Variants in CCNDBP1 observed in about 807,000 individuals in gnomAD.
The protein encoded by CCNDBP1 is cyclin D1 binding protein 1.
In CCNDBP1, 45 loss-of-function variants were observed where a neutral mutation model predicts 46.2. That is an observed-to-expected ratio of 0.97 (90% confidence interval 0.77 to 1.25). CCNDBP1 has a LOEUF of 1.25. Ranked by LOEUF, CCNDBP1 falls within the 50% of genes most tolerant of loss-of-function variation. CCNDBP1 has a pLI of 0.00. For missense variants in CCNDBP1, 436 were observed against 442.1 expected (o/e 0.99, Z 0.12); for synonymous variants, 154 against 163.6 (o/e 0.94, Z 0.45).
chr15:43,185,441 T>C lies in CCNDBP1; in HGVS notation c.-58T>C, dbSNP rs2142215949. On this transcript the variant is annotated 5_prime_UTR_variant, in exon 1 of 11. Coordinates refer to ENST00000300213, the MANE Select transcript of CCNDBP1 (RefSeq NM_012142.5). Reference sequence around the variant, plus strand: ...CCCGGAAGTGGAGCGGCTGTCGCAGTGCGGCTCCGGCAGTGGCAGCGGAGG... The same window carrying C: ...CCCGGAAGTGGAGCGGCTGTCGCAGCGCGGCTCCGGCAGTGGCAGCGGAGG... 7.4e-7 allele frequency: 1 copy of C among 1,343,386 alleles called. No individual in the cohort carries two copies. Among genetic ancestry groups the C allele is most frequent in the African/African-American group, 1.4e-5 (1 of 69,398 alleles). The allele number at this position is 1,343,386 out of a possible 1,614,324, so 83.2% of individuals were successfully genotyped here. A position where few individuals can be genotyped will look rare whatever the true frequency, so the allele number is the denominator to read the frequency against.
At chr15:43,186,519 A>G (rs2041843331) in intron 3 of CCNDBP1, among the ~76,000 whole-genome samples, 1 of 152,192 alleles carries the variant, frequency 6.6e-6, no homozygotes, top group Admixed American at 6.5e-5. Flanking sequence ...GTGTTTTCAC[A>G]TACTTGATGG....
chr15:43,189,077 C>CAAAAAAAAA (rs763476042), intron 3 of CCNDBP1, 122 bp from the exon 4 acceptor site: 9 of 152,162 alleles, frequency 5.9e-5, no homozygotes, highest in African/African-American at 4.7e-4. Flanking sequence ...GACTCTGTCT[C>CAAAAAAAAA]AAAAAAAAAA....
chr15:43,190,666 T>C (rs1321967198), intron 6 of CCNDBP1, among the ~76,000 whole-genome samples: 1 of 152,204 alleles, frequency 6.6e-6, no homozygotes, highest in Non-Finnish European at 1.5e-5. Flanking sequence ...AGTAGTATTA[T>C]GGAGCACACT....
chr15:43,186,041 TA>T, intron 2 of CCNDBP1, 112 bp from the exon 3 acceptor site: 1 of 1,210,444 alleles, frequency 8.3e-7, no homozygotes, highest in Non-Finnish European at 1.2e-6. Flanking sequence ...AATAGAATTC[TA>T]ACCTCGACAT....
At chr15:43,194,617 G>C (rs2042015157) in intron 10 of CCNDBP1, 110 bp from the exon 11 acceptor site, 2 of 1,017,792 alleles carry the variant, frequency 2.0e-6, no homozygotes, top group Non-Finnish European at 2.9e-6. Flanking sequence ...ATTCTGCAAA[G>C]AAGCTTCCCT....
intron 9 of CCNDBP1, chr15:43,193,467 C>T (rs2041992653): frequency 6.8e-6 from 1 of 147,666 alleles, no homozygotes; most frequent in South Asian, 2.3e-4. Context: ...TTAGATTGAA[C>T]TTCAGCTGTT....
intron 9 of CCNDBP1, among the ~76,000 whole-genome samples, chr15:43,193,778 C>A (rs982431026): frequency 2.0e-5 from 3 of 152,130 alleles, no homozygotes; most frequent in African/African-American, 4.8e-5. Context: ...AAATTAGATT[C>A]ATCAGATGTG....
At position 43,197,021 on chromosome 15, in the gene CCNDBP1, ACTTAC is replaced by A; in HGVS notation, c.*2182_*2186del. On this transcript the variant is annotated 3_prime_UTR_variant, in exon 11 of 11. Coordinates refer to ENST00000300213, the MANE Select transcript of CCNDBP1 (RefSeq NM_012142.5). ...TGTTAAAACGAGGCTGGCACCTGGCACTTACCCCTACCCCTCAACCCATTCTTGCC... is the reference window on the plus strand; with the variant it reads ...TGTTAAAACGAGGCTGGCACCTGGCACCCTACCCCTCAACCCATTCTTGCC... 1 of 433,708 alleles carries A rather than the reference ACTTAC, an allele frequency of 2.3e-6. No individual in the cohort carries two copies. The allele number at this position is 433,708 out of a possible 1,614,324, so 26.9% of individuals were successfully genotyped here.
At chr15:43,194,046 CTTTTTTTTTTT>C (rs748207621) in intron 9 of CCNDBP1, 26 of 50,298 alleles carry the variant, frequency 5.2e-4, no homozygotes, top group East Asian at 3.4e-3. Context: ...TCTTAATGCG[CTTTTTTTTTTT>C]TTTTTTTTTT....
At chr15:43,191,730 G>C in intron 8 of CCNDBP1, 55 bp downstream of exon 8, 4 of 1,556,628 alleles carry the variant, frequency 2.6e-6, no homozygotes, top group Non-Finnish European at 3.5e-6. Context: ...ATTTCAATTT[G>C]TGTTGTCACC....
chr15:43,194,917 C>T lies in CCNDBP1; in HGVS notation c.*76C>T, dbSNP rs572079637. The T allele has an allele frequency of 7.0e-5, 62 of 890,736 alleles. No homozygotes were observed. Among genetic ancestry groups the T allele is most frequent in the Non-Finnish European group, 1.1e-4 (61 of 545,898 alleles). 55.2% of individuals were successfully genotyped at this position (890,736 alleles called of 1,614,324 possible). A position where few individuals can be genotyped will look rare whatever the true frequency, so the allele number is the denominator to read the frequency against. ...TCTGATACCTGCTTTTAAAATGGAGCTAGAATGCTTGCTGGATTGAAAGGG... is the reference window on the plus strand; with the variant it reads ...TCTGATACCTGCTTTTAAAATGGAGTTAGAATGCTTGCTGGATTGAAAGGG... On this transcript the variant is annotated 3_prime_UTR_variant, in exon 11 of 11. Coordinates refer to ENST00000300213, the MANE Select transcript of CCNDBP1 (RefSeq NM_012142.5).
At chr15:43,193,926 A>G (rs2041999826) in intron 9 of CCNDBP1, among the ~76,000 whole-genome samples, 2 of 152,020 alleles carry the variant, frequency 1.3e-5, no homozygotes, top group African/African-American at 4.8e-5. Flanking sequence ...TATCCCAAAC[A>G]TAGTATCTGC....
chr15:43,190,021 C>A, intron 4 of CCNDBP1, 34 bp from the exon 5 acceptor site: 1 of 1,572,722 alleles, frequency 6.4e-7, no homozygotes, highest in Non-Finnish European at 8.8e-7. Flanking sequence ...CTGAAAAGAA[C>A]ACCAGGTTGC....
intron 8 of CCNDBP1, among the ~76,000 whole-genome samples, chr15:43,192,102 T>G (rs1029400648): frequency 2.0e-5 from 3 of 152,212 alleles, no homozygotes; most frequent in Non-Finnish European, 4.4e-5. Flanking sequence ...AATTCAGGGT[T>G]CTGTCAAGGT....
intron 6 of CCNDBP1, 52 bp downstream of exon 6, chr15:43,190,450 T>A: frequency 1.4e-6 from 2 of 1,400,882 alleles, no homozygotes. Context: ...CAAAGAGACC[T>A]CATGTCTAGC....
At chr15:43,190,296 A>G in intron 5 of CCNDBP1, 29 bp from the exon 6 acceptor site, 1 of 1,607,110 alleles carries the variant, frequency 6.2e-7, no homozygotes, top group Non-Finnish European at 8.5e-7. Context: ...CTAGGTTATT[A>G]ATATATCCTT....
At chr15:43,193,041 A>G in intron 9 of CCNDBP1, 2 of 531,540 alleles carry the variant, frequency 3.8e-6, no homozygotes, top group Non-Finnish European at 6.7e-6. Context: ...AATCATTCAG[A>G]AAAGCCCAAA....
chr15:43,190,400 T>C lies in CCNDBP1; in HGVS notation c.502+2T>C. 6.2e-7 allele frequency: 1 copy of C among 1,613,702 alleles called. No homozygotes were observed. Among genetic ancestry groups the C allele is most frequent in the Non-Finnish European group, 8.5e-7 (1 of 1,179,788 alleles). The stretch of plus-strand genomic sequence containing the variant: ...AGCAGATGCCTCAGATACCAAGAGG[T>C]GAGTGAAAGTGGGCAGTGGGCCATG... On this transcript the variant is annotated splice_donor_variant, in intron 6 of 10. Transcript: ENST00000300213. LOFTEE classifies it high-confidence loss of function.
intron 9 of CCNDBP1, 117 bp downstream of exon 9, chr15:43,192,920 C>T: frequency 1.1e-6 from 1 of 908,948 alleles, no homozygotes; most frequent in South Asian, 1.4e-5. Flanking sequence ...GATGGAAGTA[C>T]AACAGTAATG....
Sources: gnomAD v4.1 joint callset for allele counts (sites outside exome capture counted in the v4.1 genomes callset) on GRCh38, gnomAD v4.1.1 for gene constraint, MANE v1.5 for transcripts, NCBI Gene and HGNC (gene_info 2026-07-23, HGNC 2026-07-21) for gene names.